The following OR7E24 variants were observed in gnomAD, a reference collection of about 807,000 sequenced individuals.
OR7E24 encodes olfactory receptor family 7 subfamily E member 24.
For missense variants in OR7E24, 385 were observed against 410.3 expected, an observed-to-expected ratio of 0.94 and a Z score of 0.53; for synonymous variants, 130 against 157.5, an observed-to-expected ratio of 0.83 and a Z score of 1.31.
chr19:9,236,250 C>A, the OR7E24 span: 1 of 536,008 alleles, frequency 1.9e-6, no homozygotes, highest in Non-Finnish European at 3.3e-6. Context: ...CGGTGGCTTA[C>A]ACCTGTAATC....
At chr19:9,227,864 C>T in the OR7E24 span, among the ~76,000 whole-genome samples, 1 of 149,472 alleles carries the variant, frequency 6.7e-6, no homozygotes. Flanking sequence ...TGCCATTCTC[C>T]TGCCTCAGCC....
At chr19:9,246,467 TG>T (rs1568335102), upstream of OR7E24, among the ~76,000 whole-genome samples, 6 of 19,554 alleles carry the variant, frequency 3.1e-4, no homozygotes, top group African/African-American at 1.1e-3. Context: ...TTAAAGGTAT[TG>T]TGTGTGTGTG....
chr19:9,233,833 C>T, the OR7E24 span, among the ~76,000 whole-genome samples: 1 of 151,962 alleles, frequency 6.6e-6, no homozygotes, highest in Non-Finnish European at 1.5e-5. Flanking sequence ...CTCTTCAATC[C>T]GTCCATGCAG....
chr19:9,247,217 T>G, upstream of OR7E24: 1 of 349,342 alleles, frequency 2.9e-6, no homozygotes, highest in Non-Finnish European at 5.1e-6. Context: ...TCTTCCTCTG[T>G]TAATATGGGG....
At chr19:9,234,025 T>A in the OR7E24 span, among the ~76,000 whole-genome samples, 4 of 151,650 alleles carry the variant, frequency 2.6e-5, no homozygotes, top group African/African-American at 7.3e-5. Context: ...TGCCTCAGCC[T>A]CCCAAGTAGC....
the OR7E24 span, chr19:9,219,101 A>G: frequency 6.6e-6 from 1 of 152,166 alleles, no homozygotes; most frequent in African/African-American, 2.4e-5. Flanking sequence ...CCTACCCCCA[A>G]TCCCCAGACC....
the OR7E24 span, among the ~76,000 whole-genome samples, chr19:9,237,054 C>T: frequency 6.6e-6 from 1 of 152,088 alleles, no homozygotes; most frequent in African/African-American, 2.4e-5. Context: ...TTTGCTGACC[C>T]GAATTTCATA....
At chr19:9,235,633 A>T in the OR7E24 span, 1 of 1,584,128 alleles carries the variant, frequency 6.3e-7, no homozygotes, top group Non-Finnish European at 8.7e-7. Flanking sequence ...TCTACTGATG[A>T]AGAGGCTGAC....
chr19:9,234,341 TATAAG>T, the OR7E24 span, among the ~76,000 whole-genome samples: 2 of 152,168 alleles, frequency 1.3e-5, no homozygotes, highest in Admixed American at 1.3e-4. Flanking sequence ...ATAACTATCT[TATAAG>T]AAGAAGGAGT....
the OR7E24 span, among the ~76,000 whole-genome samples, chr19:9,221,587 G>A: frequency 1.3e-5 from 2 of 151,706 alleles, no homozygotes; most frequent in South Asian, 2.1e-4. Flanking sequence ...TCCTGACCCC[G>A]TGATCCGCTC....
the OR7E24 span, chr19:9,211,748 C>A: frequency 7.4e-6 from 1 of 135,088 alleles, no homozygotes; most frequent in South Asian, 2.3e-4. Flanking sequence ...GTGCTCTAGC[C>A]TGGGCGACAG....
At chr19:9,234,621 A>G in the OR7E24 span, among the ~76,000 whole-genome samples, 2 of 152,218 alleles carry the variant, frequency 1.3e-5, no homozygotes, top group Non-Finnish European at 2.9e-5. Context: ...AAGGTGGTAG[A>G]CACCTCAGAT....
At chr19:9,242,496 T>A (rs1312581089), upstream of OR7E24, among the ~76,000 whole-genome samples, 1 of 152,154 alleles carries the variant, frequency 6.6e-6, no homozygotes, top group African/African-American at 2.4e-5. Flanking sequence ...GTGATCCACC[T>A]GCCTCGGCCT....
the OR7E24 span, among the ~76,000 whole-genome samples, chr19:9,231,003 C>T: frequency 1.4e-4 from 21 of 152,204 alleles, no homozygotes; most frequent in East Asian, 3.9e-4. Flanking sequence ...CCTCCGCCTC[C>T]GCCTTCAAGT....
the OR7E24 span, among the ~76,000 whole-genome samples, chr19:9,227,842 C>T: frequency 4.0e-5 from 6 of 148,534 alleles, no homozygotes; most frequent in Non-Finnish European, 8.9e-5. Flanking sequence ...CAAGCTCCGC[C>T]TCCCGGGTTC....
chr19:9,208,250 T>C, the OR7E24 span: 1 of 152,264 alleles, frequency 6.6e-6, no homozygotes, highest in Non-Finnish European at 1.5e-5. Context: ...TTGGCCAGGC[T>C]CGTCTGGAAC....
the OR7E24 span, among the ~76,000 whole-genome samples, chr19:9,225,741 T>C: frequency 6.6e-6 from 1 of 152,202 alleles, no homozygotes; most frequent in Non-Finnish European, 1.5e-5. Flanking sequence ...AAGGAGTGGA[T>C]GGTCATGGAT....
the OR7E24 span, chr19:9,207,834 T>C: frequency 6.6e-6 from 1 of 152,130 alleles, no homozygotes; most frequent in Non-Finnish European, 1.5e-5. Flanking sequence ...TTTACTACAC[T>C]GAAATTCGGT....
At chr19:9,240,740 G>A in the OR7E24 span, among the ~76,000 whole-genome samples, 1 of 152,032 alleles carries the variant, frequency 6.6e-6, no homozygotes, top group Non-Finnish European at 1.5e-5. Flanking sequence ...CAAATAAAGT[G>A]TAATCAAGAT....
Sources: allele counts gnomAD v4.1 joint callset (sites outside exome capture counted in the v4.1 genomes callset), GRCh38; gene constraint gnomAD v4.1.1; transcripts MANE v1.5; gene names NCBI Gene and HGNC (gene_info 2026-07-23, HGNC 2026-07-21).